The following DIXDC1 variants were observed in gnomAD, a reference collection of about 807,000 sequenced individuals.
DIXDC1 encodes DIX domain containing 1.
Under a neutral mutation model 103.1 loss-of-function variants are expected in DIXDC1, and 64 were observed. The observed-to-expected ratio is 0.62, with a 90% CI of 0.51 to 0.76. DIXDC1 has a LOEUF of 0.76. Ranked by LOEUF, DIXDC1 falls within the 30% of genes least tolerant of loss-of-function variation. DIXDC1 has a pLI of 0.00. For missense variants in DIXDC1, 759 were observed against 834.2 expected (o/e 0.91, Z 1.11); for synonymous variants, 266 against 298.5 (o/e 0.89, Z 1.12).
chr11:112,004,021 A>G (rs1165332079), intron 17 of DIXDC1, among the ~76,000 whole-genome samples: 1 of 92,476 alleles, frequency 1.1e-5, no homozygotes, highest in Non-Finnish European at 2.1e-5. Flanking sequence ...TTAAAAAAAA[A>G]AAAATTATAT....
chr11:111,964,906 C>T (rs1859679533), intron 2 of DIXDC1, among the ~76,000 whole-genome samples: 1 of 152,112 alleles, frequency 6.6e-6, no homozygotes, highest in Non-Finnish European at 1.5e-5. Flanking sequence ...GAGAATAGTC[C>T]ATGCTCTCAA....
At chr11:111,960,483 T>C (rs1420440929) in intron 1 of DIXDC1, among the ~76,000 whole-genome samples, 14 of 150,486 alleles carry the variant, frequency 9.3e-5, no homozygotes, top group African/African-American at 3.4e-4. Flanking sequence ...AATCCCAGCT[T>C]CTCGGGAGGC....
Position 112,022,247 on chromosome 11 carries a change from C to A in DIXDC1, c.*3211C>A, listed in dbSNP as rs187581019. ...TTTAATTACTTAAAAGCATTTAGGTCATAATTAAAATTATTTTCACTGTTT... is the reference window on the plus strand; with the variant it reads ...TTTAATTACTTAAAAGCATTTAGGTAATAATTAAAATTATTTTCACTGTTT... On this transcript the variant is annotated 3_prime_UTR_variant, in exon 20 of 20. Coordinates refer to ENST00000440460, the MANE Select transcript of DIXDC1 (RefSeq NM_001037954.4). This position sits in a 1 kb window ranked among gnomAD's most constrained non-coding sequence, Gnocchi z 4.9. 9.9e-5 allele frequency: 15 copies of A among 152,210 alleles called. No homozygotes were observed. The East Asian group carries it at 2.9e-3, about 29-fold the overall frequency. The allele number at this position is 152,210 out of a possible 1,614,324, so 9.4% of individuals were successfully genotyped here.
In DIXDC1 at chr11:111,974,204, G is replaced by A. The variant is rs1860025672; in HGVS notation, c.498G>A (p.Val166=). The A allele has an allele frequency of 1.2e-6, 2 of 1,613,864 alleles. No individual in the cohort carries two copies. Among genetic ancestry groups the A allele is most frequent in the African/African-American group, 1.3e-5 (1 of 74,922 alleles). ...AQGAAAALAD[V]CHDMSRSGRD... ...GAGCAGCTGCTGCTCTGGCCGATGT[G>A]TGTCATGACATGTCCCGATCAGGAC... Residue 166 remains valine, a synonymous_variant, in exon 4 of 20, where the codon GTG becomes GTA. Transcript: ENST00000440460.
intron 2 of DIXDC1, among the ~76,000 whole-genome samples, chr11:111,967,148 G>GAGA (rs1555171640): frequency 6.6e-5 from 10 of 152,056 alleles, no homozygotes; most frequent in Non-Finnish European, 1.0e-4. Flanking sequence ...ACTCCTAAGT[G>GAGA]ATTTCTTCCC....
chr11:111,986,816 G>A, intron 8 of DIXDC1, 55 bp from the exon 9 acceptor site: 1 of 1,482,088 alleles, frequency 6.7e-7, no homozygotes, highest in South Asian at 1.2e-5. Context: ...TTGAATGAGT[G>A]GCTCTGTACT....
At chr11:112,004,795 T>C (rs1403241218) in intron 17 of DIXDC1, among the ~76,000 whole-genome samples, 4 of 152,180 alleles carry the variant, frequency 2.6e-5, no homozygotes, top group African/African-American at 9.7e-5. Flanking sequence ...AAAATGGTGG[T>C]GCACTGAAGG....
chr11:111,965,361 A>G (rs782092982), intron 2 of DIXDC1, among the ~76,000 whole-genome samples: 1 of 152,204 alleles, frequency 6.6e-6, no homozygotes, highest in African/African-American at 2.4e-5. Context: ...GTTTAAGAGC[A>G]GGCATAGTAT....
At chr11:111,985,378 A>G (rs1592597092) in intron 8 of DIXDC1, 57 bp downstream of exon 8, 1 of 1,379,684 alleles carries the variant, frequency 7.2e-7, no homozygotes, top group East Asian at 2.4e-5. Flanking sequence ...ACTTGTATTT[A>G]GCATTTGACA....
chr11:111,994,466 C>T (rs917746366), intron 14 of DIXDC1, among the ~76,000 whole-genome samples: 1 of 151,066 alleles, frequency 6.6e-6, no homozygotes, highest in African/African-American at 2.4e-5. Flanking sequence ...CACACATATA[C>T]ACATATATAC....
At chr11:111,949,237 T>C (rs1319967879) in intron 1 of DIXDC1, among the ~76,000 whole-genome samples, 4 of 152,082 alleles carry the variant, frequency 2.6e-5, no homozygotes, top group African/African-American at 9.7e-5. Context: ...CCCCCAGCTC[T>C]TGGGCTCTAG....
chr11:111,969,720 A>G lies in DIXDC1; in HGVS notation c.316+1082A>G, dbSNP rs1859851274. On this transcript the variant is annotated intron_variant, in intron 3 of 19. Coordinates refer to ENST00000440460, the MANE Select transcript of DIXDC1 (RefSeq NM_001037954.4). ...TGGGTCTCATGACAATAGGGGCAGAACGGCTCATGTTGGATTATTATATTA... is the reference window on the plus strand; with the variant it reads ...TGGGTCTCATGACAATAGGGGCAGAGCGGCTCATGTTGGATTATTATATTA... 2.0e-5 allele frequency among the ~76,000 whole-genome samples: 3 copies of G among 152,178 alleles called. No homozygotes were observed. In the South Asian group the frequency reaches 6.2e-4, roughly 32 times the overall value.
At chr11:111,931,060 A>T (rs2137420193) in intron 2 of DIXDC1, among the ~76,000 whole-genome samples, 1 of 151,522 alleles carries the variant, frequency 6.6e-6, no homozygotes, top group African/African-American at 2.4e-5. Flanking sequence ...TACCATGTTG[A>T]TCAGGCTGGT....
At chr11:111,992,356 A>G in intron 10 of DIXDC1, 59 bp from the exon 11 acceptor site, 1 of 1,425,452 alleles carries the variant, frequency 7.0e-7, no homozygotes, top group Admixed American at 2.0e-5. Flanking sequence ...GTAATTTGTA[A>G]TAATAACTGG....
rs1162751417 is a variant in DIXDC1, at chr11:111,977,625, AGTAGCTTT to A, written c.656+2644_656+2651del. ...CCCGCTTTCTCCCGCGAGCCGGGCCAGTAGCTTTGCTAGCTGGCCTTCCCGTGGAGGCG... is the reference window on the plus strand; with the variant it reads ...CCCGCTTTCTCCCGCGAGCCGGGCCAGCTAGCTGGCCTTCCCGTGGAGGCG... On this transcript the variant is annotated intron_variant, in intron 5 of 19. Transcript: ENST00000440460. This position sits in a 1 kb window ranked among gnomAD's most constrained non-coding sequence, Gnocchi z 6.1. 2.0e-5 allele frequency: 31 copies of A among 1,539,370 alleles called. No individual in the cohort carries two copies. The highest frequency in any genetic ancestry group is 2.6e-5 in the Non-Finnish European group (30 of 1,142,200).
chr11:111,928,723 C>G (rs587743358), intron 1 of DIXDC1, among the ~76,000 whole-genome samples: 8 of 151,602 alleles, frequency 5.3e-5, no homozygotes, highest in African/African-American at 1.9e-4. Flanking sequence ...GATTGCGCCA[C>G]TGCACTCCAG....
At chr11:111,934,198 T>G (rs587612559), upstream of DIXDC1, among the ~76,000 whole-genome samples, 5 of 152,328 alleles carry the variant, frequency 3.3e-5, 1 homozygote, top group South Asian at 1.0e-3. Context: ...ATCCTACTGT[T>G]TATGGTAATT....
chr11:111,932,574 G>A (rs587630599), upstream of DIXDC1, among the ~76,000 whole-genome samples: 130 of 146,032 alleles, frequency 8.9e-4, no homozygotes, highest in African/African-American at 3.1e-3. Context: ...CGACAGAAGC[G>A]AGACTCCGTC....
intron 17 of DIXDC1, among the ~76,000 whole-genome samples, chr11:112,004,692 T>G (rs955909190): frequency 6.6e-6 from 1 of 152,130 alleles, no homozygotes; most frequent in Non-Finnish European, 1.5e-5. Flanking sequence ...CACAGGCATA[T>G]GAGGAAAGCC....
Sources: allele counts gnomAD v4.1 joint callset (sites outside exome capture counted in the v4.1 genomes callset), GRCh38; gene constraint gnomAD v4.1.1; non-coding constraint Gnocchi (gnomAD v3.1); transcripts MANE v1.5; gene names NCBI Gene and HGNC (gene_info 2026-07-23, HGNC 2026-07-21).